LRRC27: variants seen among roughly 807,000 people sequenced by gnomAD.
LRRC27 encodes the protein leucine rich repeat containing 27.
A neutral mutation model predicts 55.0 loss-of-function variants in LRRC27; 57 were observed. That is an observed-to-expected ratio of 1.04 (90% confidence interval 0.84 to 1.29). The LOEUF is 1.29. LRRC27 is among the 50% of genes most tolerant of loss of function. The pLI is 0.00. For synonymous variants in LRRC27, 278 were observed against 251.9 expected, an observed-to-expected ratio of 1.10 and a Z score of -0.98; for missense variants, 721 against 651.5, an observed-to-expected ratio of 1.11 and a Z score of -1.16.
intron 9 of LRRC27, among the ~76,000 whole-genome samples, chr10:132,364,415 GCGCTTACA>G (rs2068841737): frequency 2.9e-4 from 2 of 6,972 alleles, no homozygotes; most frequent in Non-Finnish European, 6.7e-4. Context: ...CTCCACACCC[GCGCTTACA>G]CCCACGCTTA....
At position 132,365,469 on chromosome 10, in the gene LRRC27, C is replaced by T. The variant is rs779831854; in HGVS notation, c.1335C>T (p.Val445=). Residue 445 remains valine, a synonymous_variant, in exon 10 of 11, where the codon GTC becomes GTT. Coordinates refer to ENST00000368614, the MANE Select transcript of LRRC27 (RefSeq NM_030626.3). The part of the protein sequence containing the change: ...RNLEEKIKQH[V]LQMREQRRFH... ...TAGAAGAGAAGATAAAACAGCACGT[C>T]CTCCAAATGCGTGAGCAAAGAAGAT... 2.3e-5 allele frequency: 37 copies of T among 1,613,622 alleles called. 1 individual carries two copies. The Middle Eastern group carries it at 4.9e-4, about 22-fold the overall frequency.
chr10:132,359,271 G>A (rs906109175), intron 8 of LRRC27, among the ~76,000 whole-genome samples: 2 of 152,092 alleles, frequency 1.3e-5, no homozygotes. Flanking sequence ...ACATTTAGGA[G>A]TCCATTTTAT....
At chr10:132,354,751 G>A (rs968776574) in intron 7 of LRRC27, among the ~76,000 whole-genome samples, 11 of 152,238 alleles carry the variant, frequency 7.2e-5, no homozygotes, top group Non-Finnish European at 5.9e-5. Context: ...GGGTGGAGGC[G>A]TCGAGGAAAA....
intron 3 of LRRC27, among the ~76,000 whole-genome samples, chr10:132,340,032 A>C (rs866053370): frequency 1.2e-4 from 18 of 152,364 alleles, no homozygotes; most frequent in African/African-American, 4.3e-4. Context: ...CTCAAAACAT[A>C]ATTAAAACAG....
intron 3 of LRRC27, among the ~76,000 whole-genome samples, chr10:132,337,934 C>G (rs1249397541): frequency 6.6e-6 from 1 of 152,166 alleles, no homozygotes; most frequent in Non-Finnish European, 1.5e-5. Flanking sequence ...TGCTGGGCAG[C>G]CAGTGTGATT....
chr10:132,359,157 C>T lies in LRRC27; in HGVS notation c.1171-2300C>T, dbSNP rs1395096526. Among the ~76,000 whole-genome samples the T allele has an allele frequency of 4.4e-3, 584 of 131,798 alleles. 44 individuals carry two copies. Among genetic ancestry groups the T allele is most frequent in the African/African-American group, 0.016 (525 of 32,690 alleles). The allele number at this position is 131,798 out of a possible 152,430, so 86.5% of individuals were successfully genotyped here. A position where few individuals can be genotyped will look rare whatever the true frequency, so the allele number is the denominator to read the frequency against. ...GGAAGGAGCCGAGGTGGTGGAGCAG[C>T]GTGGGGAGGTGCTGAGGTGGTGGAG... On this transcript the variant is annotated intron_variant, in intron 8 of 10. Transcript: ENST00000368614.
Position 132,378,803 on chromosome 10 carries a change from G to A in LRRC27, c.*3561G>A, listed in dbSNP as rs73385092. On this transcript the variant is annotated 3_prime_UTR_variant, in exon 11 of 11. Transcript: ENST00000368614. ...CTGAGCAGCGTGTCTTTCCTCGGCC[G>A]AGTCAGGCTTCCTGGTGAGCCTCAG... is the stretch of plus-strand genomic sequence containing the variant. 2,293 of 152,660 alleles carry A rather than the reference G, an allele frequency of 0.015. 59 individuals are homozygous for A. Among genetic ancestry groups the A allele is most frequent in the African/African-American group, 0.051 (2,126 of 41,572 alleles). The allele number at this position is 152,660 out of a possible 1,614,324, so 9.5% of individuals were successfully genotyped here.
intron 2 of LRRC27, chr10:132,336,645 C>A: frequency 1.5e-6 from 1 of 650,868 alleles, no homozygotes; most frequent in Non-Finnish European, 2.8e-6. Context: ...GCCCACATTG[C>A]CCCGTCTCAC....
At chr10:132,341,039 T>G (rs958954017) in intron 3 of LRRC27, among the ~76,000 whole-genome samples, 1 of 152,230 alleles carries the variant, frequency 6.6e-6, no homozygotes, top group East Asian at 1.9e-4. Flanking sequence ...CTTATGCTTA[T>G]AATCCCAGCA....
intron 8 of LRRC27, among the ~76,000 whole-genome samples, chr10:132,360,735 T>C (rs2068575590): frequency 6.6e-6 from 1 of 152,176 alleles, no homozygotes; most frequent in African/African-American, 2.4e-5. Flanking sequence ...TCTCAGTAAA[T>C]GCTAAATGGA....
chr10:132,347,715 G>T (rs2067786807), intron 5 of LRRC27, among the ~76,000 whole-genome samples: 1 of 152,094 alleles, frequency 6.6e-6, no homozygotes, highest in African/African-American at 2.4e-5. Flanking sequence ...GGTGCGCCTG[G>T]TGGGGCCTGT....
rs2067806416 is a variant in LRRC27, at chr10:132,348,026, G to T, written c.596G>T (p.Ser199Ile). ...VREMTLRDLP[S>I]PGLELSGDHA... ...GAGATGACCCTCCGTGACCTCCCGA[G>T]CCCAGGACTGGAGTTGTCTGGAGAC... The change falls in exon 6 of 11, where the codon AGC (serine) becomes ATC (isoleucine). Residue 199 changes from serine to isoleucine, a missense_variant. Ser to Ile is a moderately radical substitution (Grantham distance 142). Coordinates refer to ENST00000368614, the MANE Select transcript of LRRC27 (RefSeq NM_030626.3). This position sits in a 1 kb window ranked among gnomAD's most constrained non-coding sequence, Gnocchi z 4.2. 6.2e-7 allele frequency: 1 copy of T among 1,613,002 alleles called. No homozygotes were observed. The highest frequency in any genetic ancestry group is 1.1e-5 in the South Asian group (1 of 91,052).
In LRRC27 at chr10:132,348,965, C is replaced by A; in HGVS notation, c.926+609C>A. The A allele has an allele frequency of 4.4e-6, 7 of 1,603,892 alleles. No individual in the cohort carries two copies. Among genetic ancestry groups the A allele is most frequent in the Non-Finnish European group, 6.0e-6 (7 of 1,174,650 alleles). On this transcript the variant is annotated intron_variant, in intron 6 of 10. Coordinates refer to ENST00000368614, the MANE Select transcript of LRRC27 (RefSeq NM_030626.3). The surrounding 1 kb of genome is among the most constrained non-coding windows in gnomAD (Gnocchi z 4.2). ...TTTTATTTTCCTTTCACACCCAGGA[C>A]AAGGGTCCCTAGGAAACAGGCTCTG...
intron 9 of LRRC27, among the ~76,000 whole-genome samples, chr10:132,363,279 G>A (rs942309078): frequency 6.6e-6 from 1 of 151,570 alleles, no homozygotes; most frequent in Non-Finnish European, 1.5e-5. Context: ...GCTGCTCGGG[G>A]GTCCGGGGTT....
At chr10:132,332,553 G>A (rs2066840138) in intron 1 of LRRC27, 1 of 152,220 alleles carries the variant, frequency 6.6e-6, no homozygotes, top group Non-Finnish European at 1.5e-5. Flanking sequence ...CCAGGCTGTT[G>A]TTTCACTTCT....
At chr10:132,336,862 T>TATTGTAAA (rs1463669402) in intron 2 of LRRC27, 4 of 730,324 alleles carry the variant, frequency 5.5e-6, no homozygotes, top group African/African-American at 3.6e-5. Flanking sequence ...TTAATGACAG[T>TATTGTAAA]ATTGTAAAAA....
At chr10:132,373,990 C>G (rs1212195616) in intron 10 of LRRC27, among the ~76,000 whole-genome samples, 3 of 152,146 alleles carry the variant, frequency 2.0e-5, no homozygotes, top group Non-Finnish European at 2.9e-5. Flanking sequence ...TAACATTGAC[C>G]AAGTCGCAGA....
Position 132,344,550 on chromosome 10 carries a change from CCCT to C in LRRC27, c.458_460del (p.Pro153del), listed in dbSNP as rs755778324. 21 of 1,614,162 alleles carry C rather than the reference CCCT, an allele frequency of 1.3e-5. No homozygotes were observed. In the South Asian group the frequency reaches 2.1e-4, roughly 16 times the overall value. On this transcript the variant is annotated inframe_deletion, in exon 5 of 11. Coordinates refer to ENST00000368614, the MANE Select transcript of LRRC27 (RefSeq NM_030626.3). The stretch of plus-strand genomic sequence containing the variant: ...ACCTAAGACACTGCCCTCTGGAATT[CCCT>C]CCTCAGCTCGTTGTGCAGAAGGGAT...
upstream of LRRC27, chr10:132,331,837 C>T: frequency 3.3e-6 from 5 of 1,495,938 alleles, no homozygotes; most frequent in Non-Finnish European, 3.6e-6. Flanking sequence ...GCCGCGGGCG[C>T]GGAAAAACGG....
Sources: gnomAD v4.1 joint callset for allele counts (sites outside exome capture counted in the v4.1 genomes callset) on GRCh38, gnomAD v4.1.1 for gene constraint, Gnocchi (gnomAD v3.1) non-coding constraint, MANE v1.5 for transcripts, NCBI Gene and HGNC (gene_info 2026-07-23, HGNC 2026-07-21) for gene names.